The following ZFYVE28 variants were observed in gnomAD, a reference collection of about 807,000 sequenced individuals.
ZFYVE28 encodes zinc finger FYVE-type containing 28, also known as lateral signaling target protein 2 homolog.
A neutral mutation model predicts 82.1 loss-of-function variants in ZFYVE28; 40 were observed. The ratio of observed to expected loss-of-function variants is 0.49; its 90% confidence interval spans 0.38 to 0.63. The LOEUF (loss-of-function observed/expected upper bound fraction) is 0.63. ZFYVE28 is among the 30% of genes least tolerant of loss of function. The pLI is 0.00. For missense variants in ZFYVE28, 1,321 were observed against 1,242.1 expected (o/e 1.06, Z -0.96); for synonymous variants, 612 against 546.1 (o/e 1.12, Z -1.68).
In ZFYVE28 at chr4:2,270,668, C is replaced by T. The variant is rs1414459110; in HGVS notation, c.*57G>A. 6.2e-7 allele frequency: 1 copy of T among 1,607,892 alleles called. No homozygotes were observed. Among genetic ancestry groups the T allele is most frequent in the Non-Finnish European group, 8.5e-7 (1 of 1,177,392 alleles). On this transcript the variant is annotated 3_prime_UTR_variant, in exon 13 of 13. Transcript: ENST00000290974. ...GCAGTGAGACCTGCCTGCAGCGTGG[C>T]CCCACCTTCCTGGGGGTTCCTGGCC... is the stretch of plus-strand genomic sequence containing the variant.
At chr4:2,277,831 C>T (rs553655644) in intron 8 of ZFYVE28, among the ~76,000 whole-genome samples, 1 of 152,080 alleles carries the variant, frequency 6.6e-6, no homozygotes, top group East Asian at 1.9e-4. Flanking sequence ...CAAAAATGGA[C>T]AATATGATCC....
At chr4:2,380,649 A>G (rs1334260311) in intron 1 of ZFYVE28, among the ~76,000 whole-genome samples, 1 of 152,184 alleles carries the variant, frequency 6.6e-6, no homozygotes, top group Non-Finnish European at 1.5e-5. Context: ...GTGTTGTGGG[A>G]GGGACCCAGT....
chr4:2,301,256 G>C (rs1442129838), intron 8 of ZFYVE28, among the ~76,000 whole-genome samples: 1 of 152,210 alleles, frequency 6.6e-6, no homozygotes, highest in Non-Finnish European at 1.5e-5. Flanking sequence ...GATGAGTGGG[G>C]GAATGAATGA....
Position 2,270,620 on chromosome 4 carries a change from C to G in ZFYVE28, c.*105G>C, listed in dbSNP as rs957366418. On this transcript the variant is annotated 3_prime_UTR_variant, in exon 13 of 13. Transcript: ENST00000290974. ...TCTGGAGGTCTGGGTGCCCCTGCAG[C>G]AGCGGCAGCGGCCTCATGAGACGCA... 16 of 1,509,920 alleles carry G rather than the reference C, an allele frequency of 1.1e-5. No homozygotes were observed. The South Asian group carries it at 2.0e-4, about 19-fold the overall frequency. The allele number at this position is 1,509,920 out of a possible 1,614,324, so 93.5% of individuals were successfully genotyped here.
At chr4:2,295,126 T>C (rs1690606548) in intron 8 of ZFYVE28, among the ~76,000 whole-genome samples, 3 of 152,056 alleles carry the variant, frequency 2.0e-5, no homozygotes, top group African/African-American at 7.2e-5. Flanking sequence ...GTTTATCATA[T>C]GCCAATCATA....
chr4:2,282,393 C>G (rs1477941072), intron 8 of ZFYVE28, among the ~76,000 whole-genome samples: 1 of 152,152 alleles, frequency 6.6e-6, no homozygotes, highest in East Asian at 1.9e-4. Context: ...GGACAGTGGC[C>G]AGGTTTCCAA....
At chr4:2,402,239 C>G (rs147595658) in intron 1 of ZFYVE28, among the ~76,000 whole-genome samples, 2 of 152,354 alleles carry the variant, frequency 1.3e-5, no homozygotes, top group Non-Finnish European at 2.9e-5. Context: ...CTGGAGACAG[C>G]CCTGCTGGGT....
At chr4:2,310,658 G>A (rs1488359633) in intron 7 of ZFYVE28, among the ~76,000 whole-genome samples, 1 of 152,170 alleles carries the variant, frequency 6.6e-6, no homozygotes, top group African/African-American at 2.4e-5. Flanking sequence ...ACAAAAATTA[G>A]TTGGGCATGG....
chr4:2,308,846 C>A (rs28755936), intron 7 of ZFYVE28, among the ~76,000 whole-genome samples: 72,075 of 151,950 alleles, frequency 0.47, 17,687 homozygotes, highest in Middle Eastern at 0.56. Flanking sequence ...TAATTTGAGA[C>A]CAACTGATAT....
chr4:2,338,775 C>T (rs545073581), intron 4 of ZFYVE28, among the ~76,000 whole-genome samples: 21 of 152,278 alleles, frequency 1.4e-4, no homozygotes, highest in Non-Finnish European at 2.6e-4. Context: ...AGATGAAAAA[C>T]TTATTAACTG....
intron 1 of ZFYVE28, among the ~76,000 whole-genome samples, chr4:2,384,539 G>A (rs1021291522): frequency 5.3e-5 from 8 of 152,158 alleles, no homozygotes; most frequent in Non-Finnish European, 8.8e-5. Context: ...GAGAGGAGGG[G>A]AAGGGACCAG....
Position 2,339,939 on chromosome 4 carries a change from G to A in ZFYVE28, c.319-284C>T, listed in dbSNP as rs1216482183. On this transcript the variant is annotated intron_variant, in intron 3 of 12. Transcript: ENST00000290974. This position sits in a 1 kb window ranked among gnomAD's most constrained non-coding sequence, Gnocchi z 5.0. ...GGTAAGGGCAGGGGAGGGGAGGGCA[G>A]GGGAGGGGAGGGGAGGGGAAGGTGG... 6.7e-6 allele frequency among the ~76,000 whole-genome samples: 1 copy of A among 149,936 alleles called. No homozygotes were observed. Among genetic ancestry groups the A allele is most frequent in the East Asian group, 2.0e-4 (1 of 5,078 alleles).
intron 2 of ZFYVE28, among the ~76,000 whole-genome samples, chr4:2,349,790 C>G (rs1487986890): frequency 2.0e-5 from 3 of 151,428 alleles, no homozygotes; most frequent in African/African-American, 7.3e-5. Flanking sequence ...CGTTGACACA[C>G]AAAAAAAGCA....
chr4:2,325,469 A>C (rs1719717222), intron 6 of ZFYVE28, among the ~76,000 whole-genome samples: 1 of 152,234 alleles, frequency 6.6e-6, no homozygotes, highest in African/African-American at 2.4e-5. Flanking sequence ...TTTACAAAAA[A>C]CGACTGCATA....
chr4:2,278,936 C>T (rs1017421407), intron 8 of ZFYVE28, among the ~76,000 whole-genome samples: 5 of 148,240 alleles, frequency 3.4e-5, no homozygotes, highest in Non-Finnish European at 7.4e-5. Flanking sequence ...TGTTCCCCCC[C>T]CCCTCAAAAA....
intron 7 of ZFYVE28, among the ~76,000 whole-genome samples, chr4:2,309,621 C>T (rs116138527): frequency 0.018 from 2,700 of 152,066 alleles, 77 homozygotes; most frequent in African/African-American, 0.062. Context: ...TGTGTAACTT[C>T]CTAATTTTCC....
Position 2,396,150 on chromosome 4 carries a change from CAGCCATCCTGCAGAGGGGACA to C in ZFYVE28, c.39+22114_39+22134del, listed in dbSNP as rs1730439882. On this transcript the variant is annotated intron_variant, in intron 1 of 12. Coordinates refer to ENST00000290974, the MANE Select transcript of ZFYVE28 (RefSeq NM_020972.3). ...GGCGGGGTGTCTGAGCTGATGGGAC[CAGCCATCCTGCAGAGGGGACA>C]CAAGGTGGGGGTGTCTGAGCTGATG... 3.3e-4 allele frequency among the ~76,000 whole-genome samples: 9 copies of C among 26,948 alleles called. 1 individual carries two copies. The highest frequency in any genetic ancestry group is 1.3e-3 in the Admixed American group (2 of 1,580). 17.7% of individuals were successfully genotyped at this position (26,948 alleles called of 152,430 possible).
intron 1 of ZFYVE28, among the ~76,000 whole-genome samples, chr4:2,402,444 G>T (rs1194774842): frequency 1.3e-5 from 2 of 152,216 alleles, no homozygotes; most frequent in Non-Finnish European, 2.9e-5. Context: ...AGTCCTGATG[G>T]GTCAGCAAGA....
At position 2,320,100 on chromosome 4, in the gene ZFYVE28, T is replaced by C; in HGVS notation, c.803+70A>G. The stretch of plus-strand genomic sequence containing the variant: ...AGGACCTGGAGGCGGCGGCTAAACA[T>C]GACTTCAGCGCCCACCTGTGGCCCT... On this transcript the variant is annotated intron_variant, in intron 7 of 12. Coordinates refer to ENST00000290974, the MANE Select transcript of ZFYVE28 (RefSeq NM_020972.3). This position sits in a 1 kb window ranked among gnomAD's most constrained non-coding sequence, Gnocchi z 5.1. 1 of 1,476,510 alleles carries C rather than the reference T, an allele frequency of 6.8e-7. No homozygotes were observed. Among genetic ancestry groups the C allele is most frequent in the South Asian group, 1.2e-5 (1 of 86,060 alleles). 91.5% of individuals were successfully genotyped at this position (1,476,510 alleles called of 1,614,324 possible).
Sources: gnomAD v4.1 joint callset for allele counts (sites outside exome capture counted in the v4.1 genomes callset) on GRCh38, gnomAD v4.1.1 for gene constraint, Gnocchi (gnomAD v3.1) non-coding constraint, MANE v1.5 for transcripts, NCBI Gene and HGNC (gene_info 2026-07-23, HGNC 2026-07-21) for gene names.